Variants in PRKCA observed in about 807,000 individuals in gnomAD.
PRKCA encodes protein kinase C alpha, also known as protein kinase C alpha type.
PRKCA carries 27 observed loss-of-function variants against 87.0 expected under a neutral mutation model. The ratio of observed to expected loss-of-function variants is 0.31; its 90% CI spans 0.23 to 0.43. The LOEUF (loss-of-function observed/expected upper bound fraction) is 0.43. PRKCA is among the 20% of genes least tolerant of loss of function. PRKCA has a pLI of 1.00. For synonymous variants in PRKCA, 329 were observed against 311.1 expected (o/e 1.06, Z -0.61); for missense variants, 518 against 852.3 (o/e 0.61, Z 4.88).
At chr17:66,748,352 C>T (rs1005866204) in intron 13 of PRKCA, among the ~76,000 whole-genome samples, 1 of 152,202 alleles carries the variant, frequency 6.6e-6, no homozygotes, top group African/African-American at 2.4e-5. Context: ...CATGTGTATA[C>T]AAGTGAAATT....
chr17:66,695,611 A>G (rs1972898487), intron 8 of PRKCA, among the ~76,000 whole-genome samples: 1 of 152,182 alleles, frequency 6.6e-6, no homozygotes, highest in African/African-American at 2.4e-5. Flanking sequence ...AAACAGAGCA[A>G]ATTAAGAAGC....
intron 13 of PRKCA, among the ~76,000 whole-genome samples, chr17:66,770,420 T>C (rs1314192184): frequency 6.6e-6 from 1 of 152,220 alleles, no homozygotes; most frequent in Non-Finnish European, 1.5e-5. Context: ...TCAATCTGTC[T>C]TTATATGGTA....
At chr17:66,731,869 C>T (rs1424058064) in intron 8 of PRKCA, among the ~76,000 whole-genome samples, 2 of 148,632 alleles carry the variant, frequency 1.3e-5, no homozygotes, top group East Asian at 2.0e-4. Flanking sequence ...CTGCAACCTC[C>T]GCCCCCCGCC....
intron 3 of PRKCA, among the ~76,000 whole-genome samples, chr17:66,604,180 G>GCTCT (rs1970143124): frequency 6.6e-6 from 1 of 151,846 alleles, no homozygotes; most frequent in East Asian, 1.9e-4. Flanking sequence ...TGTGTTAAAA[G>GCTCT]AAAAAGCAAA....
intron 3 of PRKCA, among the ~76,000 whole-genome samples, chr17:66,551,544 C>T (rs1239838741): frequency 1.3e-5 from 2 of 152,214 alleles, no homozygotes; most frequent in Admixed American, 6.5e-5. Context: ...GCGAGCCAGA[C>T]GAAATCAGTC....
At chr17:66,372,278 A>G (rs981454957) in intron 2 of PRKCA, among the ~76,000 whole-genome samples, 3 of 152,206 alleles carry the variant, frequency 2.0e-5, no homozygotes, top group Non-Finnish European at 4.4e-5. Context: ...TAGTTCCTTG[A>G]CAATGGCAAA....
chr17:66,748,499 C>T (rs1225085900), intron 13 of PRKCA, among the ~76,000 whole-genome samples: 2 of 152,134 alleles, frequency 1.3e-5, no homozygotes, highest in African/African-American at 2.4e-5. Context: ...ACAGCCGTCT[C>T]GTTCTTGGAC....
At chr17:66,519,543 G>A (rs1265997644) in intron 3 of PRKCA, among the ~76,000 whole-genome samples, 1 of 152,108 alleles carries the variant, frequency 6.6e-6, no homozygotes, top group Non-Finnish European at 1.5e-5. Context: ...CTGGCCCTCG[G>A]TTTCCTCACC....
At chr17:66,649,468 A>G (rs1971536295) in intron 5 of PRKCA, among the ~76,000 whole-genome samples, 1 of 152,250 alleles carries the variant, frequency 6.6e-6, no homozygotes, top group Non-Finnish European at 1.5e-5. Context: ...CATGAAGTAA[A>G]TACTATTATT....
intron 2 of PRKCA, among the ~76,000 whole-genome samples, chr17:66,395,421 C>G (rs1290403734): frequency 6.6e-6 from 1 of 152,116 alleles, no homozygotes; most frequent in Non-Finnish European, 1.5e-5. Context: ...TTTGCATTTT[C>G]TTTGCATTAA....
intron 3 of PRKCA, among the ~76,000 whole-genome samples, chr17:66,525,886 C>G (rs1244787623): frequency 6.6e-6 from 1 of 152,044 alleles, no homozygotes; most frequent in African/African-American, 2.4e-5. Context: ...TGGGAACATT[C>G]TGTGCACATA....
chr17:66,485,467 A>G (rs1176433613), intron 2 of PRKCA, among the ~76,000 whole-genome samples: 1 of 152,160 alleles, frequency 6.6e-6, no homozygotes, highest in East Asian at 1.9e-4. Context: ...GGTTTCATCC[A>G]TGCTGTGAGA....
chr17:66,342,455 A>G (rs1415947462), intron 2 of PRKCA, among the ~76,000 whole-genome samples: 2 of 132,004 alleles, frequency 1.5e-5, no homozygotes, highest in Admixed American at 1.5e-4. Flanking sequence ...AATAATAATA[A>G]TAATAATAAT....
intron 16 of PRKCA, among the ~76,000 whole-genome samples, chr17:66,793,206 T>C (rs2068922972): frequency 6.6e-6 from 1 of 152,088 alleles, no homozygotes; most frequent in Non-Finnish European, 1.5e-5. Flanking sequence ...GGTCAGCTCA[T>C]TGAGGACCGT....
intron 3 of PRKCA, among the ~76,000 whole-genome samples, chr17:66,538,199 T>A (rs1039994152): frequency 6.6e-6 from 1 of 152,208 alleles, no homozygotes; most frequent in African/African-American, 2.4e-5. Flanking sequence ...GGGTAAAGAA[T>A]GTGGCTTTGA....
At chr17:66,744,442 G>A (rs1974228116) in intron 13 of PRKCA, among the ~76,000 whole-genome samples, 1 of 152,098 alleles carries the variant, frequency 6.6e-6, no homozygotes. Context: ...TTAGTGATGG[G>A]GAATGGCAGC....
intron 5 of PRKCA, among the ~76,000 whole-genome samples, chr17:66,683,285 T>G (rs893093849): frequency 1.3e-5 from 2 of 152,188 alleles, no homozygotes; most frequent in African/African-American, 4.8e-5. Flanking sequence ...GCGAGCCAAT[T>G]TAAAGAAAAA....
chr17:66,509,178 ATGTGTGTG>A (rs35472661), intron 3 of PRKCA, among the ~76,000 whole-genome samples: 31 of 147,144 alleles, frequency 2.1e-4, no homozygotes, highest in African/African-American at 3.3e-4. Flanking sequence ...GTGTGTGTGT[ATGTGTGTG>A]TGTGTGTGTG....
intron 2 of PRKCA, among the ~76,000 whole-genome samples, chr17:66,329,217 G>GACAT (rs1194351392): frequency 3.9e-5 from 6 of 152,276 alleles, no homozygotes; most frequent in Admixed American, 6.5e-5. Flanking sequence ...GAGGTAGAAG[G>GACAT]GAGAGGAGGG....
Sources: gnomAD v4.1 joint callset for allele counts (sites outside exome capture counted in the v4.1 genomes callset) on GRCh38, gnomAD v4.1.1 for gene constraint, MANE v1.5 for transcripts, NCBI Gene and HGNC (gene_info 2026-07-23, HGNC 2026-07-21) for gene names.